The following SLC22A25 variants were observed in gnomAD, a reference collection of about 807,000 sequenced individuals.
SLC22A25 encodes the protein MGI:2442751, MGI:2385316, MGI:3042283, MGI:3645714, MGI:3605624, MGI:2442750.
Under a neutral mutation model 45.9 loss-of-function variants are expected in SLC22A25, and 44 were observed. The ratio of observed to expected loss-of-function variants is 0.96; its 90% CI spans 0.75 to 1.23. The LOEUF is 1.23. Ranked by LOEUF, SLC22A25 falls within the 50% of genes most tolerant of loss-of-function variation. SLC22A25 has a pLI of 0.00. For missense variants in SLC22A25, 800 were observed against 666.4 expected (o/e 1.20, Z -2.21); for synonymous variants, 283 against 238.6 (o/e 1.19, Z -1.72).
chr11:63,167,934 A>T (rs2087740606), intron 9 of SLC22A25: 6 of 405,740 alleles, frequency 1.5e-5, no homozygotes, highest in Non-Finnish European at 2.9e-5. Context: ...GGCATCAGGC[A>T]GGTGCTCCTC....
chr11:63,240,996 T>C lies in SLC22A25; in HGVS notation c.-995-1861A>G, dbSNP rs1470722333. Among the ~76,000 whole-genome samples, 5 of 152,266 alleles carry C rather than the reference T, an allele frequency of 3.3e-5. No homozygotes were observed. In the East Asian group the frequency reaches 9.6e-4, roughly 29 times the overall value. ...ATAAAAAAAAATTTGTAGCATTGAC[T>C]GACTTGATATGGCTTTAGCTCAAAA... On this transcript the variant is annotated intron_variant, in intron 1 of 11. Transcript: ENST00000306494.
At chr11:63,164,481 A>G in intron 11 of SLC22A25, 45 bp downstream of exon 11, 1 of 1,517,354 alleles carries the variant, frequency 6.6e-7, no homozygotes, top group Non-Finnish European at 9.1e-7. Context: ...ATTGGTTGAG[A>G]CAGGTCCATT....
At chr11:63,226,045 C>G (rs2089955630) in intron 5 of SLC22A25, among the ~76,000 whole-genome samples, 1 of 152,028 alleles carries the variant, frequency 6.6e-6, no homozygotes, top group Non-Finnish European at 1.5e-5. Context: ...AATTCCTTCT[C>G]TGTGTTATCT....
intron 3 of SLC22A25, among the ~76,000 whole-genome samples, chr11:63,236,061 G>A (rs571109481): frequency 6.6e-6 from 1 of 152,154 alleles, no homozygotes; most frequent in Non-Finnish European, 1.5e-5. Flanking sequence ...CTAATGGGGG[G>A]TGCCTCCCAG....
intron 7 of SLC22A25, among the ~76,000 whole-genome samples, chr11:63,216,635 A>G (rs1420164011): frequency 1.3e-5 from 2 of 152,186 alleles, no homozygotes; most frequent in East Asian, 3.8e-4. Flanking sequence ...CAGAAAACCA[A>G]ATACCACATG....
intron 7 of SLC22A25, among the ~76,000 whole-genome samples, chr11:63,197,608 A>C (rs979935465): frequency 1.3e-5 from 2 of 152,228 alleles, no homozygotes; most frequent in Non-Finnish European, 2.9e-5. Flanking sequence ...TTAGACCTAA[A>C]ACCATAAAAA....
intron 3 of SLC22A25, among the ~76,000 whole-genome samples, chr11:63,233,266 G>T (rs911576075): frequency 2.0e-5 from 3 of 152,084 alleles, no homozygotes; most frequent in African/African-American, 4.8e-5. Context: ...TCTGGTCCTG[G>T]ACTTATTTTG....
intron 5 of SLC22A25, chr11:63,218,286 G>A (rs1398558891): frequency 6.3e-6 from 2 of 316,832 alleles, no homozygotes; most frequent in Admixed American, 4.2e-5. Flanking sequence ...CTTATAAGGG[G>A]GAGCTAAACG....
intron 7 of SLC22A25, among the ~76,000 whole-genome samples, chr11:63,207,817 T>TCC (rs2089448243): frequency 6.6e-6 from 1 of 152,226 alleles, no homozygotes; most frequent in Admixed American, 6.5e-5. Flanking sequence ...CATGTTTGTT[T>TCC]TTGAAATGTA....
intron 7 of SLC22A25, among the ~76,000 whole-genome samples, chr11:63,201,805 A>T (rs911697158): frequency 4.6e-5 from 1 of 21,702 alleles, no homozygotes; most frequent in Non-Finnish European, 9.5e-5. Flanking sequence ...GTTAGACAAA[A>T]TTTCAATAAA....
intron 7 of SLC22A25, among the ~76,000 whole-genome samples, chr11:63,185,467 T>C (rs1382371898): frequency 1.3e-5 from 2 of 152,144 alleles, no homozygotes; most frequent in African/African-American, 4.8e-5. Flanking sequence ...GGACATGAAC[T>C]CATCCTTTTT....
intron 5 of SLC22A25, among the ~76,000 whole-genome samples, chr11:63,218,983 G>C (rs1041399664): frequency 6.6e-6 from 1 of 152,160 alleles, no homozygotes; most frequent in South Asian, 2.1e-4. Context: ...TGATTTTGTA[G>C]TGGAAAATTT....
At chr11:63,188,828 T>C (rs1390930613) in intron 7 of SLC22A25, among the ~76,000 whole-genome samples, 2 of 152,218 alleles carry the variant, frequency 1.3e-5, no homozygotes, top group African/African-American at 2.4e-5. Context: ...AAAAGCAGGT[T>C]GTTCAGTTTC....
intron 5 of SLC22A25, among the ~76,000 whole-genome samples, chr11:63,224,896 G>A (rs2089926614): frequency 6.6e-6 from 1 of 152,104 alleles, no homozygotes; most frequent in Non-Finnish European, 1.5e-5. Flanking sequence ...TCAGGAGATG[G>A]AGACCATCCT....
chr11:63,225,824 C>A (rs924501831), intron 5 of SLC22A25, among the ~76,000 whole-genome samples: 1 of 151,908 alleles, frequency 6.6e-6, no homozygotes, highest in Non-Finnish European at 1.5e-5. Context: ...CTTTTTAATT[C>A]TTTTCACTTT....
intron 1 of SLC22A25, among the ~76,000 whole-genome samples, chr11:63,242,140 C>G (rs111992285): frequency 0.022 from 3,298 of 152,218 alleles, 122 homozygotes; most frequent in African/African-American, 0.075. Context: ...CTAGTTGGGA[C>G]AGAAACTAAC....
At position 63,217,708 on chromosome 11, in the gene SLC22A25, C is replaced by T. The variant is rs1241213835; in HGVS notation, c.534G>A (p.Trp178Ter). 1.9e-6 allele frequency: 3 copies of T among 1,612,344 alleles called. No individual in the cohort carries two copies. Among genetic ancestry groups the T allele is most frequent in the Non-Finnish European group, 1.7e-6 (2 of 1,179,612 alleles). Residue 178 changes from tryptophan (W) to a stop codon, truncating the protein, a stop_gained, in exon 6 of 12, where the codon TGG becomes TGA. Transcript: ENST00000306494. LOFTEE classifies it high-confidence loss of function. ...DRFGRKFVLR[W>*]SYLQLAIVGT... The stretch of plus-strand genomic sequence containing the variant: ...CTACAATGGCGAGCTGGAGGTAAGA[C>T]CATCTGAGCACGAACTTTCTCCCAA...
chr11:63,238,282 G>C (rs2090195731), intron 2 of SLC22A25, among the ~76,000 whole-genome samples: 1 of 152,128 alleles, frequency 6.6e-6, no homozygotes, highest in African/African-American at 2.4e-5. Flanking sequence ...TTTTGCCATA[G>C]AGTGCAATCA....
chr11:63,232,685 T>G (rs1264101641), intron 3 of SLC22A25, among the ~76,000 whole-genome samples: 1 of 152,094 alleles, frequency 6.6e-6, no homozygotes, highest in African/African-American at 2.4e-5. Context: ...ATAGGAGTGG[T>G]GAGAGAGGGC....
Sources: gnomAD v4.1 joint callset for allele counts (sites outside exome capture counted in the v4.1 genomes callset) on GRCh38, gnomAD v4.1.1 for gene constraint, MANE v1.5 for transcripts, NCBI Gene and HGNC (gene_info 2026-07-23, HGNC 2026-07-21) for gene names.